EPN2: variants seen among roughly 807,000 people sequenced by gnomAD.
EPN2 encodes epsin 2.
EPN2 carries 34 observed loss-of-function variants against 61.7 expected under a neutral mutation model. The observed-to-expected ratio is 0.55, with a 90% CI of 0.42 to 0.73. The LOEUF (loss-of-function observed/expected upper bound fraction) is 0.73, where lower values mean the gene tolerates loss of function less well. EPN2 is among the 30% of genes least tolerant of loss of function. The pLI is 0.00. For synonymous variants in EPN2, 349 were observed against 353.6 expected (o/e 0.99, Z 0.15); for missense variants, 714 against 839.2 (o/e 0.85, Z 1.84).
At position 19,285,446 on chromosome 17, in the gene EPN2, G is replaced by A. The variant is rs1217636402; in HGVS notation, c.596-174G>A. Among the ~76,000 whole-genome samples the A allele has an allele frequency of 6.6e-6, 1 of 152,222 alleles. No individual in the cohort carries two copies. The highest frequency in any genetic ancestry group is 1.5e-5 in the Non-Finnish European group (1 of 68,042). ...TGTTTTTGGTTCCCTCAGACCTTAC[G>A]CTTGAGCTGCATGTTCAGGGTCAGA... On this transcript the variant is annotated intron_variant, in intron 3 of 10. Coordinates refer to ENST00000314728, the MANE Select transcript of EPN2 (RefSeq NM_014964.5). The surrounding 1 kb of genome is among the most constrained non-coding windows in gnomAD (Gnocchi z 4.5).
chr17:19,276,392 T>C (rs905546195), intron 1 of EPN2: 1 of 113,182 alleles, frequency 8.8e-6, no homozygotes, highest in African/African-American at 4.9e-5. Flanking sequence ...TTTTTTTTTT[T>C]GTAGAAATGA....
chr17:19,302,749 G>A (rs1905593671), intron 4 of EPN2, among the ~76,000 whole-genome samples: 1 of 152,246 alleles, frequency 6.6e-6, no homozygotes, highest in Non-Finnish European at 1.5e-5. Flanking sequence ...CCCTGGCCGT[G>A]GAAAAATTGT....
chr17:19,265,981 TC>T (rs143921036), intron 1 of EPN2, among the ~76,000 whole-genome samples: 1,583 of 152,038 alleles, frequency 0.01, 23 homozygotes, highest in African/African-American at 0.034. Context: ...CCTTTCCCAT[TC>T]CCCCGCAGCT....
In EPN2 at chr17:19,283,654, A is replaced by G. The variant is rs202045445; in HGVS notation, c.535A>G (p.Thr179Ala). Residue 179 changes from threonine (T) to alanine (A), a missense_variant, in exon 3 of 11, where the codon ACC (threonine) becomes GCC (alanine). Thr to Ala is a moderately conservative substitution (Grantham distance 58). Transcript: ENST00000314728. The surrounding 1 kb of genome is among the most constrained non-coding windows in gnomAD (Gnocchi z 7.0). Reference protein sequence around the residue: ...GRGSSQPNLSTSHSEQEYGKA... With the variant: ...GRGSSQPNLSASHSEQEYGKA... ...AGGCTCCAGCCAGCCCAACCTCTCC[A>G]CCAGCCACTCGGAGCAGGAGTATGG... 1 of 1,592,658 alleles carries G rather than the reference A, an allele frequency of 6.3e-7. No individual in the cohort carries two copies. The highest frequency in any genetic ancestry group is 8.5e-7 in the Non-Finnish European group (1 of 1,171,526).
At chr17:19,303,736 C>T (rs1905662028) in intron 4 of EPN2, 1 of 152,202 alleles carries the variant, frequency 6.6e-6, no homozygotes. Context: ...TGGCTGTGGT[C>T]ATGCTTCATT....
At chr17:19,318,878 C>T (rs1906514347) in intron 7 of EPN2, among the ~76,000 whole-genome samples, 1 of 151,950 alleles carries the variant, frequency 6.6e-6, no homozygotes, top group Non-Finnish European at 1.5e-5. Flanking sequence ...GCACATATTG[C>T]AGAGTTCATG....
chr17:19,325,222 T>C (rs1906815487), intron 7 of EPN2, among the ~76,000 whole-genome samples: 1 of 151,754 alleles, frequency 6.6e-6, no homozygotes, highest in African/African-American at 2.4e-5. Flanking sequence ...AACAGGAAAA[T>C]AAAGAATATT....
At chr17:19,307,119 G>A (rs1256601438) in intron 4 of EPN2, among the ~76,000 whole-genome samples, 1 of 151,842 alleles carries the variant, frequency 6.6e-6, no homozygotes, top group East Asian at 1.9e-4. Flanking sequence ...GGAACAAAAC[G>A]AACAAAAAAA....
intron 1 of EPN2, among the ~76,000 whole-genome samples, chr17:19,277,709 G>T (rs761095185): frequency 1.8e-4 from 27 of 152,260 alleles, no homozygotes; most frequent in African/African-American, 6.5e-4. Flanking sequence ...GCTGTCTCAC[G>T]GTTGGAATAA....
chr17:19,318,487 T>A (rs1465617145), intron 7 of EPN2, among the ~76,000 whole-genome samples: 2 of 126,218 alleles, frequency 1.6e-5, no homozygotes, highest in African/African-American at 3.1e-5. Context: ...GAGGCGGAGG[T>A]TGCAGTGAGC....
intron 1 of EPN2, among the ~76,000 whole-genome samples, chr17:19,256,138 C>T (rs1181099676): frequency 6.6e-6 from 1 of 151,892 alleles, no homozygotes. Context: ...GGGGTTTCAC[C>T]ATGTTAGCCA....
At chr17:19,289,074 GTTTTTTTTT>G (rs1162172422) in intron 4 of EPN2, among the ~76,000 whole-genome samples, 8 of 68,688 alleles carry the variant, frequency 1.2e-4, no homozygotes, top group African/African-American at 5.2e-4. Flanking sequence ...TTCTGGGTAT[GTTTTTTTTT>G]TTTTTTTTTT....
intron 10 of EPN2, among the ~76,000 whole-genome samples, chr17:19,332,621 C>T (rs568971751): frequency 6.6e-6 from 1 of 152,318 alleles, no homozygotes; most frequent in South Asian, 2.1e-4. Context: ...CTCTTCCCTT[C>T]CTGTGTGCAT....
At chr17:19,321,091 G>A (rs1273375802) in intron 7 of EPN2, among the ~76,000 whole-genome samples, 3 of 152,190 alleles carry the variant, frequency 2.0e-5, no homozygotes, top group African/African-American at 7.2e-5. Context: ...TTTGAGCTGG[G>A]TTTAGAGTGG....
At chr17:19,287,188 A>G (rs1386401273) in intron 4 of EPN2, among the ~76,000 whole-genome samples, 2 of 151,682 alleles carry the variant, frequency 1.3e-5, no homozygotes, top group Non-Finnish European at 2.9e-5. Context: ...CTGCCTCTGC[A>G]CCTTCGCCTG....
intron 7 of EPN2, among the ~76,000 whole-genome samples, chr17:19,322,757 AAAG>A (rs1240576646): frequency 6.6e-6 from 1 of 150,764 alleles, no homozygotes; most frequent in African/African-American, 2.5e-5. Flanking sequence ...AAAAAAAAAA[AAAG>A]GTAGTGGCTG....
rs1293016820 is a variant in EPN2 at position 19,335,783 on chromosome 17, C to T, written c.*1529C>T. ...TAACAAACATGCACTAATATTACCT[C>T]CCTCTTCCAAACTCCTACTGTCCTC... On this transcript the variant is annotated 3_prime_UTR_variant, in exon 11 of 11. Coordinates refer to ENST00000314728, the MANE Select transcript of EPN2 (RefSeq NM_014964.5). The T allele has an allele frequency of 1.2e-5, 3 of 241,870 alleles. No individual in the cohort carries two copies. Among genetic ancestry groups the T allele is most frequent in the Non-Finnish European group, 1.6e-5 (2 of 125,964 alleles). 15.0% of individuals were successfully genotyped at this position (241,870 alleles called of 1,614,324 possible). A position where few individuals can be genotyped will look rare whatever the true frequency, so the allele number is the denominator to read the frequency against.
At chr17:19,295,370 G>GCGCGCA (rs1227756316) in intron 4 of EPN2, among the ~76,000 whole-genome samples, 5 of 129,902 alleles carry the variant, frequency 3.8e-5, no homozygotes, top group Non-Finnish European at 7.8e-5. Context: ...ACACACACGC[G>GCGCGCA]CGTGCGCGCA....
At chr17:19,301,571 C>T (rs72836779) in intron 4 of EPN2, among the ~76,000 whole-genome samples, 645 of 152,326 alleles carry the variant, frequency 4.2e-3, no homozygotes, top group Non-Finnish European at 5.6e-3. Flanking sequence ...AGTGGCATCA[C>T]TGCCCCACTT....
Sources: allele counts gnomAD v4.1 joint callset (sites outside exome capture counted in the v4.1 genomes callset), GRCh38; gene constraint gnomAD v4.1.1; non-coding constraint Gnocchi (gnomAD v3.1); transcripts MANE v1.5; gene names NCBI Gene and HGNC (gene_info 2026-07-23, HGNC 2026-07-21).